The following CARD9 variants were observed in gnomAD, a reference collection of about 807,000 sequenced individuals.
CARD9 encodes caspase recruitment domain-containing protein 9.
A neutral mutation model predicts 66.0 loss-of-function variants in CARD9; 53 were observed. The observed-to-expected ratio is 0.80, with a 90% CI of 0.64 to 1.01. CARD9 has a LOEUF of 1.01. Ranked by LOEUF, CARD9 falls within the 50% of genes least tolerant of loss-of-function variation. CARD9 has a pLI of 0.00. For missense variants in CARD9, 769 were observed against 743.2 expected (o/e 1.03, Z -0.40); for synonymous variants, 387 against 313.8 (o/e 1.23, Z -2.47).
In CARD9 at chr9:136,364,282, CGG is replaced by C. The variant is rs1564365587; in HGVS notation, c.*18_*19del. 5 of 1,551,998 alleles carry C rather than the reference CGG, an allele frequency of 3.2e-6. No individual in the cohort carries two copies. The Admixed American group carries it at 7.8e-5, about 24-fold the overall frequency. ...GCCGGGCCGGTGGGTGTGCCCTGGT[CGG>C]GGCCTGCGCTGCTGCGGCTAGGAGC... On this transcript the variant is annotated 3_prime_UTR_variant, in exon 13 of 13. Transcript: ENST00000371732.
intron 8 of CARD9, 41 bp from the exon 9 acceptor site, chr9:136,367,298 G>A: frequency 6.2e-7 from 1 of 1,601,496 alleles, no homozygotes; most frequent in African/African-American, 1.3e-5. Context: ...TGTGAGGGCA[G>A]AGGGCTCCCC....
chr9:136,365,200 C>T lies in CARD9; in HGVS notation c.1375G>A (p.Gly459Arg), dbSNP rs1344909246. ...LSDKGCLAGG[G>R]SPKQPFAALH... Reference sequence around the variant, plus strand: ...GCTGCAAAGGGCTGTTTCGGGCTCCCCCCGCCGGCAAGGCAGCCTGGAAAG... The same window carrying T: ...GCTGCAAAGGGCTGTTTCGGGCTCCTCCCGCCGGCAAGGCAGCCTGGAAAG... Residue 459 changes from glycine to arginine, a missense_variant, in exon 11 of 13, where the codon GGG becomes AGG. Coordinates refer to ENST00000371732, the MANE Select transcript of CARD9 (RefSeq NM_052813.5). The T allele has an allele frequency of 1.2e-6, 2 of 1,609,752 alleles. No individual in the cohort carries two copies. Among genetic ancestry groups the T allele is most frequent in the East Asian group, 2.2e-5 (1 of 44,862 alleles).
intron 7 of CARD9, among the ~76,000 whole-genome samples, chr9:136,368,929 C>T (rs1833191027): frequency 1.3e-5 from 2 of 152,170 alleles, no homozygotes; most frequent in South Asian, 4.1e-4. Flanking sequence ...AAGCAATTCT[C>T]CTGCCTCAGC....
At chr9:136,369,712 C>T (rs780347951) in intron 7 of CARD9, 38 bp downstream of exon 7, 21 of 1,562,530 alleles carry the variant, frequency 1.3e-5, no homozygotes, top group Non-Finnish European at 1.6e-5. Flanking sequence ...CACCCACCCG[C>T]GAGTGGGGTG....
intron 11 of CARD9, 83 bp downstream of exon 11, chr9:136,365,058 G>T: frequency 7.2e-7 from 1 of 1,380,772 alleles, no homozygotes; most frequent in Non-Finnish European, 1.0e-6. Context: ...CGCAGGGGGT[G>T]CCCAGGGCAG....
At chr9:136,368,808 C>T (rs931314319) in intron 7 of CARD9, among the ~76,000 whole-genome samples, 5 of 152,104 alleles carry the variant, frequency 3.3e-5, no homozygotes, top group African/African-American at 1.2e-4. Flanking sequence ...AGGCATGCGC[C>T]ACCACGACCA....
rs2131430880 is a variant in CARD9 at position 136,364,401 on chromosome 9, C to T, written c.1512G>A (p.Arg504=). ...TCTGCATCTTCCTGAGGGCGCGCTT[C>T]CTGTGAAGACAGGTGTCTCAGGCGC... is the stretch of plus-strand genomic sequence containing the variant. ...RLKESFENYR[R]KRALRKMQKG... is the part of the protein sequence containing the mutation. The change falls in exon 13 of 13, where the codon AGG becomes AGA. Residue 504 remains arginine, a splice_region_variant and synonymous_variant. Transcript: ENST00000371732. The T allele has an allele frequency of 1.9e-6, 3 of 1,551,368 alleles. No homozygotes were observed. Among genetic ancestry groups the T allele is most frequent in the East Asian group, 2.4e-5 (1 of 41,734 alleles).
chr9:136,365,306 G>C (rs1006848796), intron 10 of CARD9, 89 bp from the exon 11 acceptor site: 1 of 1,292,618 alleles, frequency 7.7e-7, no homozygotes. Flanking sequence ...CATTGCAGTG[G>C]GGCTGTCTTC....
chr9:136,367,492 A>G, intron 8 of CARD9, 145 bp downstream of exon 8: 1 of 1,065,716 alleles, frequency 9.4e-7, no homozygotes, highest in Non-Finnish European at 1.3e-6. Context: ...GTGTGCCCTC[A>G]CCCCACTGCC....
chr9:136,366,972 T>G (rs1296126730), intron 9 of CARD9, 127 bp from the exon 10 acceptor site: 8 of 1,186,176 alleles, frequency 6.7e-6, no homozygotes, highest in Admixed American at 1.8e-5. Flanking sequence ...GCACAGAGCT[T>G]CTCAGAGACT....
At chr9:136,365,809 A>G in intron 10 of CARD9, 1 of 153,334 alleles carries the variant, frequency 6.5e-6, no homozygotes, top group Non-Finnish European at 1.5e-5. Context: ...GGCCATTGGC[A>G]GCCCCTTAGA....
At position 136,365,196 on chromosome 9, in the gene CARD9, C is replaced by CT. The variant is rs1285695555; in HGVS notation, c.1378dup (p.Ser460LysfsTer20). ...CAGAGCTGCAAAGGGCTGTTTCGGGCTCCCCCCGCCGGCAAGGCAGCCTGG... is the reference window on the plus strand; with the variant it reads ...CAGAGCTGCAAAGGGCTGTTTCGGGCTTCCCCCCGCCGGCAAGGCAGCCTGG... On this transcript the variant is annotated frameshift_variant, in exon 11 of 13. Transcript: ENST00000371732. LOFTEE classifies it high-confidence loss of function. The CT allele has an allele frequency of 1.2e-6, 2 of 1,609,832 alleles. No homozygotes were observed. Among genetic ancestry groups the CT allele is most frequent in the Non-Finnish European group, 1.7e-6 (2 of 1,179,842 alleles).
At chr9:136,368,051 A>G (rs1190724041) in intron 7 of CARD9, 1 of 1,403,998 alleles carries the variant, frequency 7.1e-7, no homozygotes, top group Non-Finnish European at 9.3e-7. Context: ...TCTCCTCCCA[A>G]GCCTGCACCC....
chr9:136,367,830 TGACGGGACAGCACAAGGCC>T lies in CARD9; in HGVS notation c.1078-21_1078-3del, dbSNP rs1363366442. 1.3e-6 allele frequency: 2 copies of T among 1,598,096 alleles called. No homozygotes were observed. The highest frequency in any genetic ancestry group is 2.2e-5 in the South Asian group (2 of 90,788). On this transcript the variant is annotated splice_polypyrimidine_tract_variant and splice_region_variant and intron_variant, in intron 7 of 12. Transcript: ENST00000371732. ...CAGCTCCTCCCGCGTGGCTATGGCC[TGACGGGACAGCACAAGGCC>T]GACCCTCAGTGAGGGCCCCAAGCTT...
intron 2 of CARD9, 65 bp from the exon 3 acceptor site, chr9:136,371,526 G>T: frequency 9.7e-6 from 5 of 516,006 alleles, no homozygotes; most frequent in African/African-American, 4.0e-5. Flanking sequence ...GGGTGGGTGG[G>T]CCTGGGGGCA....
At position 136,365,188 on chromosome 9, in the gene CARD9, GT is replaced by G. The variant is rs1367607596; in HGVS notation, c.1386del (p.Lys462AsnfsTer21). The part of the protein sequence containing the change: ...KGCLAGGGSP[K>X]QPFAALHQEQ... ...TCCTGGTGCAGAGCTGCAAAGGGCT[GT>G]TTCGGGCTCCCCCCGCCGGCAAGGC... On this transcript the variant is annotated frameshift_variant, in exon 11 of 13. Transcript: ENST00000371732. LOFTEE classifies it high-confidence loss of function. 1 of 1,610,626 alleles carries G rather than the reference GT, an allele frequency of 6.2e-7. No homozygotes were observed. Among genetic ancestry groups the G allele is most frequent in the Non-Finnish European group, 8.5e-7 (1 of 1,179,850 alleles).
chr9:136,370,047 A>G (rs1833220514), intron 6 of CARD9, 172 bp from the exon 7 acceptor site: 1 of 1,424,316 alleles, frequency 7.0e-7, no homozygotes, highest in South Asian at 1.4e-5. Context: ...CCGCGGCAGG[A>G]CAGGGCCCTC....
At chr9:136,365,107 C>T (rs564513029) in intron 11 of CARD9, 34 bp downstream of exon 11, 3 of 1,603,684 alleles carry the variant, frequency 1.9e-6, no homozygotes, top group South Asian at 1.1e-5. Context: ...CTGAGGCCCA[C>T]GGCTGGGAGG....
intron 7 of CARD9, among the ~76,000 whole-genome samples, chr9:136,369,369 A>T (rs958943724): frequency 6.6e-6 from 1 of 152,252 alleles, no homozygotes; most frequent in African/African-American, 2.4e-5. Flanking sequence ...TGATAGACAG[A>T]TGGATACATG....
Sources: allele counts gnomAD v4.1 joint callset (sites outside exome capture counted in the v4.1 genomes callset), GRCh38; gene constraint gnomAD v4.1.1; transcripts MANE v1.5; gene names NCBI Gene and HGNC (gene_info 2026-07-23, HGNC 2026-07-21).